Variants in ABI1 observed in about 807,000 individuals in gnomAD.
ABI1 encodes Abelson interactor 1.
A neutral mutation model predicts 54.6 loss-of-function variants in ABI1; 14 were observed. The observed-to-expected ratio is 0.26, with a 90% CI of 0.17 to 0.40. The LOEUF (loss-of-function observed/expected upper bound fraction) is 0.40, where lower values mean the gene tolerates loss of function less well. Among genes scored for constraint, ABI1 ranks in the 10% least tolerant of loss-of-function variants. The pLI is 1.00. For missense variants in ABI1, 443 were observed against 598.3 expected (o/e 0.74, Z 2.71); for synonymous variants, 194 against 209.3 (o/e 0.93, Z 0.63).
chr10:26,761,090 G>A lies in ABI1; in HGVS notation c.821-1852C>T, dbSNP rs372833569. On this transcript the variant is annotated intron_variant, in intron 7 of 10. Coordinates refer to ENST00000376140, the MANE Select transcript of ABI1 (RefSeq NM_001012750.3). ...CCTGAGTAGCTGGGGATATAGGAGAGTGCCACCAAACCCATCTAATTTTTT... is the reference window on the plus strand; with the variant it reads ...CCTGAGTAGCTGGGGATATAGGAGAATGCCACCAAACCCATCTAATTTTTT... 2.0e-5 allele frequency among the ~76,000 whole-genome samples: 3 copies of A among 151,712 alleles called. No individual in the cohort carries two copies. In the South Asian group the frequency reaches 6.2e-4, roughly 32 times the overall value.
At chr10:26,826,858 G>A (rs918850857) in intron 1 of ABI1, among the ~76,000 whole-genome samples, 3 of 152,196 alleles carry the variant, frequency 2.0e-5, no homozygotes, top group East Asian at 1.9e-4. Context: ...TGAACAGTTA[G>A]GGCCTTGTTC....
intron 1 of ABI1, among the ~76,000 whole-genome samples, chr10:26,834,118 T>C (rs1337487657): frequency 6.6e-6 from 1 of 151,848 alleles, no homozygotes; most frequent in Non-Finnish European, 1.5e-5. Context: ...TAATCCCAGC[T>C]ACTCAGGAGG....
In ABI1 at chr10:26,759,313, A is replaced by G. The variant is rs983569597; in HGVS notation, c.821-75T>C. The G allele has an allele frequency of 1.4e-5, 17 of 1,249,020 alleles. No individual in the cohort carries two copies. In the Admixed American group the frequency reaches 4.0e-4, roughly 29 times the overall value. 77.4% of individuals were successfully genotyped at this position (1,249,020 alleles called of 1,614,324 possible). On this transcript the variant is annotated intron_variant, in intron 7 of 10. Transcript: ENST00000376140. ...ATCACCTTAGATGGCAGAACAAAGC[A>G]GGAGGGGGCCTCAGTAAGAAATATT... is the stretch of plus-strand genomic sequence containing the variant.
At chr10:26,850,320 A>T (rs2134213321) in intron 1 of ABI1, among the ~76,000 whole-genome samples, 1 of 152,328 alleles carries the variant, frequency 6.6e-6, no homozygotes, top group African/African-American at 2.4e-5. Flanking sequence ...TAAACTGCTC[A>T]GTTTTAGTTT....
intron 2 of ABI1, among the ~76,000 whole-genome samples, chr10:26,787,386 T>C (rs1254507603): frequency 6.6e-6 from 1 of 152,092 alleles, no homozygotes; most frequent in Non-Finnish European, 1.5e-5. Context: ...AATCCACAAC[T>C]CTCCTCCTTA....
rs143550640 is a variant in ABI1 at position 26,761,165 on chromosome 10, C to T, written c.821-1927G>A. Among the ~76,000 whole-genome samples, 728 of 152,000 alleles carry T rather than the reference C, an allele frequency of 4.8e-3. 6 individuals are homozygous for T. Among genetic ancestry groups the T allele is most frequent in the African/African-American group, 0.011 (448 of 41,474 alleles). On this transcript the variant is annotated intron_variant, in intron 7 of 10. Transcript: ENST00000376140. ...CTATGTTGCCCAGGGTGGTCTTGTC[C>T]TGGGCTCAAGCAATCCTCCCACCTT...
At chr10:26,810,784 T>C (rs1314475393) in intron 2 of ABI1, among the ~76,000 whole-genome samples, 1 of 151,470 alleles carries the variant, frequency 6.6e-6, no homozygotes, top group East Asian at 1.9e-4. Context: ...CAACAACTAA[T>C]AGTCTGGGAG....
At chr10:26,765,545 T>A (rs910736588) in intron 6 of ABI1, among the ~76,000 whole-genome samples, 1 of 151,900 alleles carries the variant, frequency 6.6e-6, no homozygotes, top group African/African-American at 2.4e-5. Context: ...GTTTTCCTTA[T>A]CTACAGGTTC....
intron 4 of ABI1, 173 bp from the exon 5 acceptor site, chr10:26,770,518 C>T: frequency 1.3e-6 from 1 of 763,658 alleles, no homozygotes; most frequent in Non-Finnish European, 2.4e-6. Flanking sequence ...TGCACTTGGT[C>T]TTCCTATTAT....
intron 1 of ABI1, among the ~76,000 whole-genome samples, chr10:26,835,109 A>AC (rs2048973242): frequency 7.2e-6 from 1 of 139,204 alleles, no homozygotes; most frequent in African/African-American, 2.8e-5. Context: ...AAAAAAAAAA[A>AC]AAAAAACCCA....
chr10:26,786,799 T>C (rs148315800), intron 2 of ABI1, among the ~76,000 whole-genome samples: 29 of 152,310 alleles, frequency 1.9e-4, no homozygotes, highest in African/African-American at 6.7e-4. Context: ...GGCAAACTCA[T>C]CCACATTCAG....
chr10:26,808,992 G>A (rs754211691), intron 2 of ABI1, among the ~76,000 whole-genome samples: 2 of 151,724 alleles, frequency 1.3e-5, no homozygotes, highest in African/African-American at 4.8e-5. Flanking sequence ...ACAACTGGCC[G>A]GGCACGGTGG....
chr10:26,818,450 C>T (rs2047730394), intron 2 of ABI1, among the ~76,000 whole-genome samples: 2 of 151,598 alleles, frequency 1.3e-5, no homozygotes, highest in African/African-American at 4.9e-5. Context: ...GAAACCCCGT[C>T]TCTACTAAAA....
In ABI1 at chr10:26,747,021, A is replaced by ACTT. The variant is rs141521604; in HGVS notation, c.*1546_*1548dup. 0.034 allele frequency: 7,722 copies of ACTT among 226,912 alleles called. 191 individuals are homozygous for ACTT. The highest frequency in any genetic ancestry group is 0.049 in the South Asian group (321 of 6,544). 14.1% of individuals were successfully genotyped at this position (226,912 alleles called of 1,614,324 possible). On this transcript the variant is annotated 3_prime_UTR_variant, in exon 11 of 11. Coordinates refer to ENST00000376140, the MANE Select transcript of ABI1 (RefSeq NM_001012750.3). ...AGGTAGCTAGCTGATCACTAATGAT[A>ACTT]CTTTGTTTGTTTAAAATTAACAAAG...
At chr10:26,758,095 CT>C (rs1236922511) in intron 8 of ABI1, among the ~76,000 whole-genome samples, 1 of 119,098 alleles carries the variant, frequency 8.4e-6, no homozygotes, top group Non-Finnish European at 1.8e-5. Context: ...AAAAAAAAAA[CT>C]TTCCCCTAGC....
At chr10:26,750,854 C>T (rs184491010) in intron 10 of ABI1, among the ~76,000 whole-genome samples, 1 of 152,220 alleles carries the variant, frequency 6.6e-6, no homozygotes, top group East Asian at 1.9e-4. Flanking sequence ...ATATCGGGTA[C>T]TATAGGTAAA....
intron 1 of ABI1, among the ~76,000 whole-genome samples, chr10:26,853,042 T>A (rs953024739): frequency 1.3e-5 from 2 of 152,158 alleles, no homozygotes; most frequent in African/African-American, 4.8e-5. Context: ...TAAAAGTACT[T>A]ATTTGGATTG....
chr10:26,828,953 G>A (rs914845688), intron 1 of ABI1, among the ~76,000 whole-genome samples: 3 of 152,146 alleles, frequency 2.0e-5, no homozygotes, highest in Non-Finnish European at 2.9e-5. Context: ...TTAGCCGGGC[G>A]CGGTGGCTCA....
chr10:26,826,586 T>C (rs12259011), intron 1 of ABI1, among the ~76,000 whole-genome samples: 3,667 of 152,310 alleles, frequency 0.024, 151 homozygotes, highest in African/African-American at 0.083. Context: ...CCTCTCTCCC[T>C]GTAAAAGCCC....
Sources: gnomAD v4.1 joint callset for allele counts (sites outside exome capture counted in the v4.1 genomes callset) on GRCh38, gnomAD v4.1.1 for gene constraint, MANE v1.5 for transcripts, NCBI Gene and HGNC (gene_info 2026-07-23, HGNC 2026-07-21) for gene names.